The following FUT9 variants were observed in gnomAD, a reference collection of about 807,000 sequenced individuals.
The protein encoded by FUT9 is fucosyltransferase 9.
Under a neutral mutation model 29.7 loss-of-function variants are expected in FUT9, and 15 were observed. The ratio of observed to expected loss-of-function variants is 0.51; its 90% CI spans 0.34 to 0.78. The LOEUF (loss-of-function observed/expected upper bound fraction) is 0.78. Ranked by LOEUF, FUT9 falls within the 30% of genes least tolerant of loss-of-function variation. FUT9 has a pLI of 0.01. For missense variants in FUT9, 319 were observed against 425.4 expected, an observed-to-expected ratio of 0.75 and a Z score of 2.20; for synonymous variants, 169 against 153.7, an observed-to-expected ratio of 1.10 and a Z score of -0.74.
At chr6:96,105,621 T>G (rs1562126113) in intron 1 of FUT9, among the ~76,000 whole-genome samples, 1 of 152,334 alleles carries the variant, frequency 6.6e-6, no homozygotes, top group African/African-American at 2.4e-5. Flanking sequence ...TTAAGTTTTC[T>G]AATTAAAATT....
chr6:96,043,182 G>C (rs547549960), intron 1 of FUT9, among the ~76,000 whole-genome samples: 5 of 152,070 alleles, frequency 3.3e-5, no homozygotes, highest in Admixed American at 3.3e-4. Context: ...CTCCCGAGTA[G>C]CTGGGACTAC....
chr6:96,027,467 G>C (rs1436804734), intron 1 of FUT9, among the ~76,000 whole-genome samples: 5 of 151,308 alleles, frequency 3.3e-5, no homozygotes, highest in African/African-American at 1.2e-4. Context: ...CGTTCAGATA[G>C]ATGTCTGCTG....
intron 1 of FUT9, among the ~76,000 whole-genome samples, chr6:96,073,275 C>G (rs1771092674): frequency 6.6e-6 from 1 of 151,920 alleles, no homozygotes; most frequent in South Asian, 2.1e-4. Flanking sequence ...ATGGTGAAAC[C>G]TCATCTCTAC....
intron 1 of FUT9, among the ~76,000 whole-genome samples, chr6:96,026,913 A>G (rs1770179041): frequency 6.6e-6 from 1 of 151,648 alleles, no homozygotes; most frequent in Non-Finnish European, 1.5e-5. Flanking sequence ...TACCTCCCCA[A>G]CTGAAGCATG....
intron 2 of FUT9, among the ~76,000 whole-genome samples, chr6:96,141,372 T>C (rs2127973268): frequency 6.6e-6 from 1 of 152,316 alleles, no homozygotes. Context: ...CAGAAATGTT[T>C]CCTATTACAG....
intron 1 of FUT9, among the ~76,000 whole-genome samples, chr6:96,022,140 A>G (rs941449730): frequency 2.6e-5 from 4 of 152,064 alleles, no homozygotes; most frequent in Admixed American, 6.6e-5. Flanking sequence ...GAGATGAGCT[A>G]CAAGACATAG....
chr6:96,196,520 C>A lies in FUT9; in HGVS notation c.-8-6628C>A, dbSNP rs532617250. On this transcript the variant is annotated intron_variant, in intron 2 of 2. Coordinates refer to ENST00000302103, the MANE Select transcript of FUT9 (RefSeq NM_006581.4). Reference sequence around the variant, plus strand: ...TGAGGTCAGGAGATCGCGATCATCCCAGCCAACATGGTGAAACCCCATCTC... The same window carrying A: ...TGAGGTCAGGAGATCGCGATCATCCAAGCCAACATGGTGAAACCCCATCTC... 3.3e-5 allele frequency among the ~76,000 whole-genome samples: 5 copies of A among 151,798 alleles called. No individual in the cohort carries two copies. In the South Asian group the frequency reaches 8.3e-4, roughly 25 times the overall value.
intron 2 of FUT9, among the ~76,000 whole-genome samples, chr6:96,179,011 G>A (rs1031593911): frequency 1.3e-5 from 2 of 151,762 alleles, no homozygotes; most frequent in African/African-American, 4.8e-5. Context: ...TTGGGATTTC[G>A]AAAGAATCTG....
At chr6:96,125,320 G>A (rs895385561) in intron 2 of FUT9, among the ~76,000 whole-genome samples, 3 of 152,236 alleles carry the variant, frequency 2.0e-5, no homozygotes, top group Non-Finnish European at 2.9e-5. Context: ...TGTCTTTGTC[G>A]TCTTATGAGG....
At chr6:96,145,004 G>A (rs1398463643) in intron 2 of FUT9, among the ~76,000 whole-genome samples, 1 of 151,932 alleles carries the variant, frequency 6.6e-6, no homozygotes, top group Non-Finnish European at 1.5e-5. Flanking sequence ...TTATATCATA[G>A]CTATTAGTAG....
At chr6:96,186,856 G>C (rs1474900575) in intron 2 of FUT9, among the ~76,000 whole-genome samples, 6 of 152,080 alleles carry the variant, frequency 3.9e-5, no homozygotes, top group Non-Finnish European at 8.8e-5. Flanking sequence ...GCCTTAAAAT[G>C]GGTTGAATGA....
At chr6:96,196,756 A>G (rs1773634151) in intron 2 of FUT9, among the ~76,000 whole-genome samples, 1 of 152,126 alleles carries the variant, frequency 6.6e-6, no homozygotes, top group African/African-American at 2.4e-5. Flanking sequence ...AAATCCAGCA[A>G]GACCAGTCTG....
chr6:96,162,493 T>C (rs542774045), intron 2 of FUT9, among the ~76,000 whole-genome samples: 1 of 152,282 alleles, frequency 6.6e-6, no homozygotes, highest in African/African-American at 2.4e-5. Flanking sequence ...TACTTCCCCA[T>C]CTAACTGTAA....
intron 2 of FUT9, among the ~76,000 whole-genome samples, chr6:96,144,578 T>C (rs941369256): frequency 2.0e-5 from 3 of 152,198 alleles, no homozygotes; most frequent in Non-Finnish European, 2.9e-5. Context: ...GAAATCTGCT[T>C]GCTAATTTGA....
intron 1 of FUT9, among the ~76,000 whole-genome samples, chr6:96,045,870 C>T (rs1200785140): frequency 1.3e-5 from 2 of 152,212 alleles, no homozygotes; most frequent in African/African-American, 2.4e-5. Context: ...CAGCTTAATG[C>T]AGTATGGGTG....
chr6:96,060,828 G>T (rs140351372), intron 1 of FUT9, among the ~76,000 whole-genome samples: 5,040 of 152,230 alleles, frequency 0.033, 298 homozygotes, highest in African/African-American at 0.11. Context: ...GTGAGCCATG[G>T]CACCTGGCCA....
At chr6:96,065,601 A>G (rs1255047813) in intron 1 of FUT9, among the ~76,000 whole-genome samples, 1 of 152,138 alleles carries the variant, frequency 6.6e-6, no homozygotes, top group Non-Finnish European at 1.5e-5. Context: ...ATTTATATGC[A>G]ATTTGAAGAA....
At position 96,204,892 on chromosome 6, in the gene FUT9, G is replaced by T. The variant is rs1357065445; in HGVS notation, c.*657G>T. 1 of 164,192 alleles carries T rather than the reference G, an allele frequency of 6.1e-6. No individual in the cohort carries two copies. 10.2% of individuals were successfully genotyped at this position (164,192 alleles called of 1,614,324 possible). On this transcript the variant is annotated 3_prime_UTR_variant, in exon 3 of 3. Coordinates refer to ENST00000302103, the MANE Select transcript of FUT9 (RefSeq NM_006581.4). ...TGATTTGCAGCTACTTATTCTCATG[G>T]TCTTAAATTAAATTATTCAAGTATT...
At position 96,097,202 on chromosome 6, in the gene FUT9, G is replaced by C. The variant is rs979858533; in HGVS notation, c.-97-16837G>C. Among the ~76,000 whole-genome samples the C allele has an allele frequency of 2.6e-5, 4 of 152,198 alleles. No individual in the cohort carries two copies. The East Asian group carries it at 7.7e-4, about 29-fold the overall frequency. Reference sequence around the variant, plus strand: ...CAAATGCATACTCTTCTTCTCACTAGAAGGGATTTCCCTGAGAAAAGGAGC... The same window carrying C: ...CAAATGCATACTCTTCTTCTCACTACAAGGGATTTCCCTGAGAAAAGGAGC... On this transcript the variant is annotated intron_variant, in intron 1 of 2. Coordinates refer to ENST00000302103, the MANE Select transcript of FUT9 (RefSeq NM_006581.4).
Sources: allele counts gnomAD v4.1 joint callset (sites outside exome capture counted in the v4.1 genomes callset), GRCh38; gene constraint gnomAD v4.1.1; transcripts MANE v1.5; gene names NCBI Gene and HGNC (gene_info 2026-07-23, HGNC 2026-07-21).